Variants in EYS observed in about 807,000 individuals in gnomAD.
The protein encoded by EYS is protein eyes shut homolog.
EYS carries 250 observed loss-of-function variants against 282.1 expected under a neutral mutation model. The observed-to-expected ratio is 0.89, with a 90% CI of 0.80 to 0.98. The LOEUF (loss-of-function observed/expected upper bound fraction) is 0.98, where lower values mean the gene tolerates loss of function less well. EYS is among the 50% of genes least tolerant of loss of function. The probability of loss-of-function intolerance (pLI) is 0.00; values close to 1 mark genes in which losing one functional copy is unlikely to be tolerated. For synonymous variants in EYS, 1,355 were observed against 1,282.9 expected, an observed-to-expected ratio of 1.06 and a Z score of -1.20; for missense variants, 4,016 against 3,709.0, an observed-to-expected ratio of 1.08 and a Z score of -2.15.
rs144230060 is a variant in EYS, at chr6:64,358,389, T to A, written c.6078+30301A>T. 4.5e-4 allele frequency among the ~76,000 whole-genome samples: 69 copies of A among 151,792 alleles called. 1 individual carries two copies. In the East Asian group the frequency reaches 0.013, roughly 29 times the overall value. On this transcript the variant is annotated intron_variant, in intron 29 of 42. Transcript: ENST00000503581. ...GAATTGCACATAAAAAGAGAGCAAC[T>A]GCAATACATCACCAAAGTGCTCTGG...
At chr6:65,285,407 G>T (rs1263417820) in intron 12 of EYS, among the ~76,000 whole-genome samples, 1 of 151,872 alleles carries the variant, frequency 6.6e-6, no homozygotes, top group Non-Finnish European at 1.5e-5. Context: ...TTAGTTTTCT[G>T]AGAAATGCAA....
At chr6:64,774,519 T>C (rs913738952) in intron 22 of EYS, among the ~76,000 whole-genome samples, 2 of 151,912 alleles carry the variant, frequency 1.3e-5, no homozygotes, top group Non-Finnish European at 2.9e-5. Context: ...TTTACCTCCA[T>C]ACACCAGTTT....
intron 11 of EYS, among the ~76,000 whole-genome samples, chr6:65,324,005 C>T (rs1769548841): frequency 6.6e-6 from 1 of 152,204 alleles, no homozygotes; most frequent in Admixed American, 6.5e-5. Context: ...TGCTGCCATT[C>T]TCCACACAGC....
chr6:65,547,601 T>G (rs1375512763), intron 2 of EYS, among the ~76,000 whole-genome samples: 2 of 152,142 alleles, frequency 1.3e-5, no homozygotes, highest in Non-Finnish European at 2.9e-5. Flanking sequence ...TTGTATTATC[T>G]AATATGATAG....
chr6:64,845,431 G>A (rs984329890), intron 19 of EYS, among the ~76,000 whole-genome samples: 3 of 151,806 alleles, frequency 2.0e-5, no homozygotes, highest in Non-Finnish European at 2.9e-5. Flanking sequence ...CATCTTCCAT[G>A]GTGCATAAAA....
intron 26 of EYS, among the ~76,000 whole-genome samples, chr6:64,479,480 C>T (rs1324705650): frequency 6.6e-6 from 1 of 151,890 alleles, no homozygotes; most frequent in African/African-American, 2.4e-5. Flanking sequence ...ACTGTAAATG[C>T]CAACTGCACT....
chr6:63,938,713 A>G (rs772415505), intron 35 of EYS, among the ~76,000 whole-genome samples: 6 of 152,218 alleles, frequency 3.9e-5, no homozygotes, highest in Non-Finnish European at 5.9e-5. Flanking sequence ...TAACACATCT[A>G]TTTCATCCAA....
chr6:64,647,596 G>C (rs1024144857), intron 22 of EYS, among the ~76,000 whole-genome samples: 1 of 152,182 alleles, frequency 6.6e-6, no homozygotes, highest in African/African-American at 2.4e-5. Flanking sequence ...TTTGTGGCAA[G>C]ATTATGGCTA....
At chr6:63,974,403 TC>T (rs1766733911) in intron 35 of EYS, among the ~76,000 whole-genome samples, 1 of 152,084 alleles carries the variant, frequency 6.6e-6, no homozygotes, top group Non-Finnish European at 1.5e-5. Context: ...GAGTGCTTGT[TC>T]TTTGAAGAAA....
intron 41 of EYS, among the ~76,000 whole-genome samples, chr6:63,746,997 C>T (rs942779253): frequency 3.3e-5 from 5 of 151,978 alleles, no homozygotes; most frequent in African/African-American, 9.7e-5. Context: ...TTTTCTCTTG[C>T]TTCTCCTGTT....
chr6:64,242,029 C>G (rs1197063498), intron 30 of EYS, among the ~76,000 whole-genome samples: 1 of 152,046 alleles, frequency 6.6e-6, no homozygotes, highest in Non-Finnish European at 1.5e-5. Context: ...GTCTGAGAGA[C>G]TGTTTGTTAT....
chr6:63,877,325 C>A (rs548439535), intron 35 of EYS, among the ~76,000 whole-genome samples: 1 of 152,318 alleles, frequency 6.6e-6, no homozygotes, highest in African/African-American at 2.4e-5. Context: ...TGTAGAGTTT[C>A]TGCTGAGTGA....
intron 8 of EYS, among the ~76,000 whole-genome samples, chr6:65,379,845 T>G (rs1344710324): frequency 2.0e-5 from 3 of 151,466 alleles, no homozygotes; most frequent in Non-Finnish European, 2.9e-5. Flanking sequence ...AGAGGCAAAT[T>G]ATGAGTGAAC....
At chr6:64,084,049 T>C (rs1772067124) in intron 31 of EYS, among the ~76,000 whole-genome samples, 1 of 152,194 alleles carries the variant, frequency 6.6e-6, no homozygotes, top group African/African-American at 2.4e-5. Context: ...AAATAAGTTT[T>C]TAGTATAAGT....
chr6:64,359,330 G>A (rs1419180084), intron 29 of EYS, among the ~76,000 whole-genome samples: 1 of 151,508 alleles, frequency 6.6e-6, no homozygotes, highest in Non-Finnish European at 1.5e-5. Flanking sequence ...CAATGTTTGG[G>A]AACCATTAAC....
At chr6:65,366,504 A>C (rs896421718) in intron 8 of EYS, among the ~76,000 whole-genome samples, 1 of 151,724 alleles carries the variant, frequency 6.6e-6, no homozygotes, top group African/African-American at 2.4e-5. Flanking sequence ...TTTTATATAC[A>C]TTTTTAGAGA....
At position 65,335,066 on chromosome 6, in the gene EYS, GC is replaced by G. The variant is rs1300504579; in HGVS notation, c.1679del (p.Gly560AlafsTer50). 6.2e-7 allele frequency: 1 copy of G among 1,611,736 alleles called. No individual in the cohort carries two copies. The highest frequency in any genetic ancestry group is 1.3e-5 in the African/African-American group (1 of 74,738). On this transcript the variant is annotated frameshift_variant, in exon 11 of 43. Coordinates refer to ENST00000503581, the MANE Select transcript of EYS (RefSeq NM_001142800.2). LOFTEE classifies it high-confidence loss of function. ...YRYLCFLRWA[G>X]NMYLENTTDD... ...CAGTTGTATTTTCCAGATACATGTT[GC>G]CAGCCCATCTGAGAAAACATAGATA...
chr6:65,311,946 A>G (rs1434512421), intron 11 of EYS, among the ~76,000 whole-genome samples: 1 of 152,200 alleles, frequency 6.6e-6, no homozygotes, highest in Non-Finnish European at 1.5e-5. Context: ...TTTTGCTAAA[A>G]ATTATTTATT....
intron 14 of EYS, among the ~76,000 whole-genome samples, chr6:64,992,558 G>A (rs1019076733): frequency 4.0e-5 from 6 of 151,794 alleles, no homozygotes; most frequent in African/African-American, 1.5e-4. Context: ...ATTTCAGGAT[G>A]GATTAATTTT....
Sources: gnomAD v4.1 joint callset for allele counts (sites outside exome capture counted in the v4.1 genomes callset) on GRCh38, gnomAD v4.1.1 for gene constraint, MANE v1.5 for transcripts, NCBI Gene and HGNC (gene_info 2026-07-23, HGNC 2026-07-21) for gene names.